ANKRD13A: variants seen among roughly 807,000 people sequenced by gnomAD.
The protein encoded by ANKRD13A is ankyrin repeat domain 13A, also known as ankyrin repeat domain-containing protein 13A.
A neutral mutation model predicts 81.3 loss-of-function variants in ANKRD13A; 48 were observed. That is an observed-to-expected ratio of 0.59 (90% confidence interval 0.47 to 0.75). ANKRD13A has a LOEUF of 0.75. Ranked by LOEUF, ANKRD13A falls within the 30% of genes least tolerant of loss-of-function variation. The pLI, the probability that ANKRD13A is intolerant of heterozygous loss-of-function variation, is 0.00. For missense variants in ANKRD13A, 612 were observed against 734.0 expected (o/e 0.83, Z 1.92); for synonymous variants, 230 against 270.1 (o/e 0.85, Z 1.45).
chr12:110,031,867 T>A (rs955405535), intron 12 of ANKRD13A, among the ~76,000 whole-genome samples: 1 of 151,764 alleles, frequency 6.6e-6, no homozygotes, highest in Non-Finnish European at 1.5e-5. Flanking sequence ...AAAAATTTTT[T>A]ATCTTTTTTT....
rs1344831660 is a variant in ANKRD13A, at chr12:110,014,998, G to A, written c.355-1390G>A. 5.9e-5 allele frequency among the ~76,000 whole-genome samples: 9 copies of A among 151,708 alleles called. No homozygotes were observed. The East Asian group carries it at 1.6e-3, about 26-fold the overall frequency. On this transcript the variant is annotated intron_variant, in intron 3 of 14. Transcript: ENST00000261739. Reference sequence around the variant, plus strand: ...AGAGATGGGGTTTCACCATGGTCTCGATCTCCTGACCTCGTGATCCGCCCG... The same window carrying A: ...AGAGATGGGGTTTCACCATGGTCTCAATCTCCTGACCTCGTGATCCGCCCG...
chr12:110,028,410 C>CTT, intron 9 of ANKRD13A, 102 bp from the exon 10 acceptor site: 48 of 1,415,490 alleles, frequency 3.4e-5, no homozygotes, highest in Non-Finnish European at 4.3e-5. Flanking sequence ...ACTTCCCGGT[C>CTT]TTTAGCTGGT....
intron 10 of ANKRD13A, chr12:110,028,982 C>T (rs1265019682): frequency 1.5e-5 from 3 of 196,468 alleles, no homozygotes; most frequent in Admixed American, 5.4e-5. Context: ...GTGATCCGCC[C>T]GCCTGGGCCT....
chr12:110,021,502 T>C, intron 6 of ANKRD13A: 1 of 152,856 alleles, frequency 6.5e-6, no homozygotes, highest in Non-Finnish European at 1.4e-5. Context: ...CTTGGCTCAC[T>C]GCAACCTCCG....
intron 10 of ANKRD13A, 143 bp downstream of exon 10, chr12:110,028,785 T>G: frequency 1.8e-6 from 2 of 1,136,608 alleles, no homozygotes; most frequent in Non-Finnish European, 2.4e-6. Context: ...TCGCCTAGGC[T>G]GGAGTGCAGT....
intron 4 of ANKRD13A, among the ~76,000 whole-genome samples, chr12:110,017,662 G>A (rs532378671): frequency 3.2e-4 from 48 of 152,152 alleles, no homozygotes; most frequent in African/African-American, 1.1e-3. Context: ...GGCCGGATGC[G>A]GTGGCTCATG....
At chr12:110,000,902 G>A (rs1207145955) in intron 1 of ANKRD13A, among the ~76,000 whole-genome samples, 2 of 151,524 alleles carry the variant, frequency 1.3e-5, no homozygotes, top group African/African-American at 4.8e-5. Context: ...AGATTACAGG[G>A]ATGCACCACC....
rs756141937 is a variant in ANKRD13A at position 110,018,818 on chromosome 12, G to T, written c.545-321G>T. Among the ~76,000 whole-genome samples the T allele has an allele frequency of 2.7e-4, 41 of 152,130 alleles. No individual in the cohort carries two copies. The highest frequency in any genetic ancestry group is 4.9e-4 in the Non-Finnish European group (33 of 68,026). On this transcript the variant is annotated intron_variant, in intron 5 of 14. Transcript: ENST00000261739. This position sits in a 1 kb window ranked among gnomAD's most constrained non-coding sequence, Gnocchi z 4.4. ...GAAATGGCATTGCTCACCCAATGTT[G>T]TGCATACATAATTTCTGTGAATTCT...
intron 6 of ANKRD13A, chr12:110,021,169 T>G (rs1397949450): frequency 4.4e-6 from 2 of 456,788 alleles, no homozygotes; most frequent in African/African-American, 4.0e-5. Context: ...AGAGAGAATT[T>G]TTGGAAGACA....
In ANKRD13A at chr12:110,023,909, T is replaced by C. The variant is rs1052039706; in HGVS notation, c.735-137T>C. Reference sequence around the variant, plus strand: ...CCATCTGTCATTGCTAACCGCCTCCTGTGGACAATAGGACCATGATTTCCA... The same window carrying C: ...CCATCTGTCATTGCTAACCGCCTCCCGTGGACAATAGGACCATGATTTCCA... On this transcript the variant is annotated intron_variant, in intron 6 of 14. Transcript: ENST00000261739. 8.9e-5 allele frequency: 72 copies of C among 807,476 alleles called. 1 individual carries two copies. Among genetic ancestry groups the C allele is most frequent in the Non-Finnish European group, 5.9e-5 (29 of 494,886 alleles). The allele number at this position is 807,476 out of a possible 1,614,324, so 50.0% of individuals were successfully genotyped here.
At chr12:110,010,055 T>C (rs1890434991) in intron 1 of ANKRD13A, among the ~76,000 whole-genome samples, 1 of 152,132 alleles carries the variant, frequency 6.6e-6, no homozygotes, top group Non-Finnish European at 1.5e-5. Flanking sequence ...TTAGTAGAGA[T>C]AGGGTTTCAC....
intron 8 of ANKRD13A, chr12:110,027,429 T>C: frequency 2.6e-6 from 1 of 386,126 alleles, no homozygotes; most frequent in African/African-American, 2.1e-5. Context: ...GTGGCCAAGG[T>C]GGGGTTGGAA....
intron 3 of ANKRD13A, among the ~76,000 whole-genome samples, chr12:110,014,439 A>T (rs1271484207): frequency 6.6e-6 from 1 of 152,186 alleles, no homozygotes; most frequent in Non-Finnish European, 1.5e-5. Flanking sequence ...AATAAAAATT[A>T]GTGTCAAGGA....
Position 110,013,171 on chromosome 12 carries a change from A to G in ANKRD13A, c.276A>G (p.Thr92=), listed in dbSNP as rs530987936. 1.0e-4 allele frequency: 164 copies of G among 1,614,190 alleles called. 1 individual carries two copies. In the South Asian group the frequency reaches 1.4e-3, roughly 13 times the overall value. ...VSTGDPEMVY[T]VLQHRDYHNT... is the part of the protein sequence containing the mutation. ...CTGGCGATCCTGAGATGGTGTACACAGTTCTCCAACATCGAGACTACCACA... is the reference window on the plus strand; with the variant it reads ...CTGGCGATCCTGAGATGGTGTACACGGTTCTCCAACATCGAGACTACCACA... Residue 92 remains threonine, a synonymous_variant, in exon 3 of 15, where the codon ACA becomes ACG. Coordinates refer to ENST00000261739, the MANE Select transcript of ANKRD13A (RefSeq NM_033121.2).
chr12:110,021,420 TC>T, intron 6 of ANKRD13A: 1 of 166,284 alleles, frequency 6.0e-6, no homozygotes, highest in Non-Finnish European at 1.3e-5. Context: ...TTTTCTTTTT[TC>T]TTTCTTTTTT....
chr12:110,037,274 G>T, intron 14 of ANKRD13A, 85 bp from the exon 15 acceptor site: 1 of 1,340,180 alleles, frequency 7.5e-7, no homozygotes, highest in South Asian at 1.3e-5. Flanking sequence ...GTGTGCCCTT[G>T]GTAAGCGGTT....
At chr12:110,012,514 C>T (rs952965465) in intron 2 of ANKRD13A, among the ~76,000 whole-genome samples, 1 of 152,148 alleles carries the variant, frequency 6.6e-6, no homozygotes, top group Non-Finnish European at 1.5e-5. Context: ...ATGCAGGTTG[C>T]GTCCCAGGCC....
chr12:110,039,727 C>T lies in ANKRD13A; in HGVS notation c.*2173C>T, dbSNP rs927694855. 6.6e-6 allele frequency: 1 copy of T among 152,254 alleles called. No individual in the cohort carries two copies. The highest frequency in any genetic ancestry group is 1.5e-5 in the Non-Finnish European group (1 of 68,074). 9.4% of individuals were successfully genotyped at this position (152,254 alleles called of 1,614,324 possible). On this transcript the variant is annotated 3_prime_UTR_variant, in exon 15 of 15. Coordinates refer to ENST00000261739, the MANE Select transcript of ANKRD13A (RefSeq NM_033121.2). The stretch of plus-strand genomic sequence containing the variant: ...AAGCCCAGCCAACATCAAAGCTCTG[C>T]ATCAATGCTATCCCTTGAAGCCAAC...
chr12:110,007,156 C>T (rs1396898172), intron 1 of ANKRD13A, among the ~76,000 whole-genome samples: 1 of 152,202 alleles, frequency 6.6e-6, no homozygotes, highest in Non-Finnish European at 1.5e-5. Flanking sequence ...CCTCAGACCT[C>T]TCTCTTCAAG....
Sources: gnomAD v4.1 joint callset for allele counts (sites outside exome capture counted in the v4.1 genomes callset) on GRCh38, gnomAD v4.1.1 for gene constraint, Gnocchi (gnomAD v3.1) non-coding constraint, MANE v1.5 for transcripts, NCBI Gene and HGNC (gene_info 2026-07-23, HGNC 2026-07-21) for gene names.